Variants in SASH1 observed in about 807,000 individuals in gnomAD.
SASH1 encodes SAM and SH3 domain containing 1, also known as SAM and SH3 domain-containing protein 1.
SASH1 carries 44 observed loss-of-function variants against 125.2 expected under a neutral mutation model. The observed-to-expected ratio is 0.35, with a 90% CI of 0.28 to 0.45. The LOEUF is 0.45. Among genes scored for constraint, SASH1 ranks in the 20% least tolerant of loss-of-function variants. SASH1 has a pLI of 1.00. For missense variants in SASH1, 1,426 were observed against 1,614.5 expected, an observed-to-expected ratio of 0.88 and a Z score of 2.00; for synonymous variants, 639 against 649.1, an observed-to-expected ratio of 0.98 and a Z score of 0.24.
At chr6:148,199,048 A>T in the SASH1 span, among the ~76,000 whole-genome samples, 2 of 152,176 alleles carry the variant, frequency 1.3e-5, no homozygotes, top group Non-Finnish European at 2.9e-5. Flanking sequence ...TGACTTTTTC[A>T]GTATTTCCCA....
intron 1 of SASH1, among the ~76,000 whole-genome samples, chr6:148,344,467 AT>A (rs1781454802): frequency 6.6e-6 from 1 of 152,132 alleles, no homozygotes; most frequent in Non-Finnish European, 1.5e-5. Flanking sequence ...TCAGGTGACC[AT>A]TGGTATTTAT....
At position 148,430,341 on chromosome 6, in the gene SASH1, G is replaced by A. The variant is rs564078351; in HGVS notation, c.286-9843G>A. Among the ~76,000 whole-genome samples the A allele has an allele frequency of 1.6e-4, 24 of 152,252 alleles. No homozygotes were observed. In the East Asian group the frequency reaches 3.7e-3, roughly 23 times the overall value. Reference sequence around the variant, plus strand: ...TTCCATGAAAGATTTTGTGGATTTCGTTTTGTTTTAGTCAGAGTCTCGCTC... The same window carrying A: ...TTCCATGAAAGATTTTGTGGATTTCATTTTGTTTTAGTCAGAGTCTCGCTC... On this transcript the variant is annotated intron_variant, in intron 2 of 19. Coordinates refer to ENST00000367467, the MANE Select transcript of SASH1 (RefSeq NM_015278.5).
chr6:148,383,450 CAAT>C (rs1783234394), intron 1 of SASH1, among the ~76,000 whole-genome samples: 1 of 151,884 alleles, frequency 6.6e-6, no homozygotes, highest in African/African-American at 2.4e-5. Flanking sequence ...GGTAAAGAAA[CAAT>C]AAAGGAGTCA....
Position 148,440,382 on chromosome 6 carries a change from G to A in SASH1, c.361G>A (p.Val121Met), listed in dbSNP as rs368973056. 1.6e-5 allele frequency: 26 copies of A among 1,613,634 alleles called. No homozygotes were observed. Among genetic ancestry groups the A allele is most frequent in the Admixed American group, 8.3e-5 (5 of 59,974 alleles). The change falls in exon 4 of 20, where the codon GTG (valine) becomes ATG (methionine). Residue 121 changes from valine to methionine, a missense_variant. Val to Met is a conservative substitution (Grantham distance 21, BLOSUM62 1). This residue lies in a region of SASH1 where 567 missense variants were observed against 575.6 expected (regional missense o/e 0.99). Coordinates refer to ENST00000367467, the MANE Select transcript of SASH1 (RefSeq NM_015278.5). ...IEESLGFCSA[V>M]STPEVERKNP... ...GGAGTCGCTTGGCTTCTGTAGCGCC[G>A]TGTCAACCCCAGAAGTGGAAAGAAA... is the stretch of plus-strand genomic sequence containing the variant.
intron 7 of SASH1, among the ~76,000 whole-genome samples, chr6:148,476,405 G>T (rs1778348372): frequency 6.6e-6 from 1 of 151,980 alleles, no homozygotes; most frequent in South Asian, 2.1e-4. Context: ...CCAGTGACAT[G>T]CTTCACAGAA....
intron 2 of SASH1, 104 bp from the exon 3 acceptor site, chr6:148,440,080 C>G: frequency 9.3e-7 from 1 of 1,078,532 alleles, no homozygotes. Context: ...ACTCTATACC[C>G]CAACCTTTCC....
intron 1 of SASH1, among the ~76,000 whole-genome samples, chr6:148,358,727 G>GTTTT (rs1554242358): frequency 1.3e-4 from 13 of 98,790 alleles, no homozygotes; most frequent in African/African-American, 3.8e-4. Flanking sequence ...CTAATGCCAT[G>GTTTT]TTTTTGTTTT....
intron 2 of SASH1, among the ~76,000 whole-genome samples, chr6:148,409,452 T>C (rs1784525505): frequency 6.6e-6 from 1 of 152,256 alleles, no homozygotes; most frequent in Non-Finnish European, 1.5e-5. Flanking sequence ...GCCATCCATA[T>C]TGCTAAGGCA....
At chr6:148,238,842 C>T in the SASH1 span, among the ~76,000 whole-genome samples, 14 of 152,304 alleles carry the variant, frequency 9.2e-5, no homozygotes, top group Non-Finnish European at 4.4e-5. Flanking sequence ...AGCCTCCATT[C>T]CCGGTGAGTT....
intron 1 of SASH1, among the ~76,000 whole-genome samples, chr6:148,295,076 T>TCA (rs367719491): frequency 5.9e-5 from 9 of 151,510 alleles, no homozygotes; most frequent in African/African-American, 1.2e-4. Flanking sequence ...TCTCTCTCTC[T>TCA]CACACACACA....
At chr6:148,356,046 C>T (rs568901124) in intron 1 of SASH1, among the ~76,000 whole-genome samples, 29 of 151,406 alleles carry the variant, frequency 1.9e-4, no homozygotes, top group African/African-American at 7.0e-4. Flanking sequence ...CCCCCAAGTC[C>T]CCCAAAGTCC....
chr6:148,196,865 T>A, the SASH1 span, among the ~76,000 whole-genome samples: 1 of 151,976 alleles, frequency 6.6e-6, no homozygotes, highest in Non-Finnish European at 1.5e-5. Flanking sequence ...TGGAAATTGA[T>A]GGATAGAATT....
the SASH1 span, among the ~76,000 whole-genome samples, chr6:148,252,349 C>A: frequency 6.6e-6 from 1 of 151,996 alleles, no homozygotes; most frequent in Non-Finnish European, 1.5e-5. Context: ...AATTTTCTTC[C>A]CTGTTTGCCA....
At chr6:148,373,353 CA>C (rs1344568444) in intron 1 of SASH1, among the ~76,000 whole-genome samples, 1 of 152,102 alleles carries the variant, frequency 6.6e-6, no homozygotes, top group Non-Finnish European at 1.5e-5. Context: ...GGAGCAAGTT[CA>C]AAGGCCTGGC....
rs111410198 is a variant in SASH1 at position 148,497,768 on chromosome 6, T to A, written c.729+10053T>A. On this transcript the variant is annotated intron_variant, in intron 8 of 19. Coordinates refer to ENST00000367467, the MANE Select transcript of SASH1 (RefSeq NM_015278.5). ...TTTACCAAACACATAATCAATTTAT[T>A]TTCTATTTCAGAAGGCATTATTGTG... 8.0e-3 allele frequency among the ~76,000 whole-genome samples: 1,211 copies of A among 152,304 alleles called. 17 individuals are homozygous for A. The highest frequency in any genetic ancestry group is 0.026 in the African/African-American group (1,085 of 41,566).
chr6:148,244,957 T>TGAGAGA, the SASH1 span, among the ~76,000 whole-genome samples: 2 of 135,662 alleles, frequency 1.5e-5, no homozygotes, highest in African/African-American at 5.3e-5. Flanking sequence ...TGTGTGTGTG[T>TGAGAGA]GTGAGAGAGA....
the SASH1 span, among the ~76,000 whole-genome samples, chr6:148,266,062 T>C: frequency 1.3e-5 from 2 of 151,596 alleles, no homozygotes; most frequent in Non-Finnish European, 2.9e-5. Flanking sequence ...AGCCTCCGCC[T>C]CCCAGATTCA....
the SASH1 span, among the ~76,000 whole-genome samples, chr6:148,206,694 A>G: frequency 2.0e-5 from 3 of 151,682 alleles, no homozygotes; most frequent in Non-Finnish European, 4.4e-5. Flanking sequence ...GGAGGCTGAG[A>G]CAGGAGAATC....
At chr6:148,528,593 G>C (rs1781331248) in intron 12 of SASH1, among the ~76,000 whole-genome samples, 2 of 152,150 alleles carry the variant, frequency 1.3e-5, no homozygotes, top group South Asian at 4.2e-4. Context: ...TTCTCACGGG[G>C]AAGGGGTGAG....
Sources: allele counts gnomAD v4.1 joint callset (sites outside exome capture counted in the v4.1 genomes callset), GRCh38; gene constraint gnomAD v4.1.1; regional missense constraint gnomAD v4.1.1; transcripts MANE v1.5; gene names NCBI Gene and HGNC (gene_info 2026-07-23, HGNC 2026-07-21).